CNOT10: variants seen among roughly 807,000 people sequenced by gnomAD.
CNOT10 encodes the protein CCR4-NOT transcription complex subunit 10.
In CNOT10, 30 loss-of-function variants were observed where a neutral mutation model predicts 94.6. That is an observed-to-expected ratio of 0.32 (90% CI 0.24 to 0.43). CNOT10 has a LOEUF of 0.43. Among genes scored for constraint, CNOT10 ranks in the 20% least tolerant of loss-of-function variants. CNOT10 has a pLI of 1.00. For synonymous variants in CNOT10, 289 were observed against 301.6 expected (o/e 0.96, Z 0.43); for missense variants, 759 against 877.2 (o/e 0.87, Z 1.70).
At chr3:32,724,548 G>A (rs1170809066) in intron 8 of CNOT10, among the ~76,000 whole-genome samples, 2 of 152,018 alleles carry the variant, frequency 1.3e-5, no homozygotes, top group Non-Finnish European at 2.9e-5. Context: ...GAGTAGCTGG[G>A]ACTACACGCG....
chr3:32,720,057 A>G, intron 7 of CNOT10, 57 bp from the exon 8 acceptor site: 1 of 813,690 alleles, frequency 1.2e-6, no homozygotes. Context: ...TATAATTAAG[A>G]TCTTACATTA....
chr3:32,713,213 T>C lies in CNOT10; in HGVS notation c.431-14T>C. 1 of 1,560,786 alleles carries C rather than the reference T, an allele frequency of 6.4e-7. No homozygotes were observed. On this transcript the variant is annotated splice_polypyrimidine_tract_variant and intron_variant, in intron 4 of 18. Transcript: ENST00000328834. The stretch of plus-strand genomic sequence containing the variant: ...AGGTTGTGACTATTCTTTTCTGTGT[T>C]TTTTTTCTCCCAGAAGAAAAATTTG...
At chr3:32,718,107 T>C (rs1411484567) in intron 7 of CNOT10, among the ~76,000 whole-genome samples, 35 of 151,946 alleles carry the variant, frequency 2.3e-4, no homozygotes, top group Admixed American at 2.3e-3. Flanking sequence ...TTTAGAAGTA[T>C]AAAGTCATGA....
intron 10 of CNOT10, among the ~76,000 whole-genome samples, chr3:32,732,391 C>G (rs901741020): frequency 1.3e-5 from 2 of 151,700 alleles, no homozygotes; most frequent in African/African-American, 4.8e-5. Context: ...GCCTCAGCAA[C>G]TTGGCAAAAC....
chr3:32,748,123 ATCGAAATTACAGGTGTGAGCCAC>A (rs1699788866), intron 13 of CNOT10, among the ~76,000 whole-genome samples: 1 of 152,214 alleles, frequency 6.6e-6, no homozygotes, highest in Non-Finnish European at 1.5e-5. Flanking sequence ...CCCCCAAAGC[ATCGAAATTACAGGTGTGAGCCAC>A]TGCAGTTGGC....
In CNOT10 at chr3:32,703,877, C is replaced by A. The variant is rs148956635; in HGVS notation, c.32C>A (p.Ala11Glu). MAADKPADQG[A>E]EKHEGTGQSS... ...ATTTGTGTGTTTGCAGATCAGGGAGCAGAGAAACATGAAGGCACAGGTCAG... is the reference window on the plus strand; with the variant it reads ...ATTTGTGTGTTTGCAGATCAGGGAGAAGAGAAACATGAAGGCACAGGTCAG... The change falls in exon 2 of 19, where the codon GCA (alanine) becomes GAA (glutamate). Residue 11 changes from alanine (A) to glutamate (E), a missense_variant. Coordinates refer to ENST00000328834, the MANE Select transcript of CNOT10 (RefSeq NM_015442.3). 1 of 1,611,950 alleles carries A rather than the reference C, an allele frequency of 6.2e-7. No individual in the cohort carries two copies. Among genetic ancestry groups the A allele is most frequent in the South Asian group, 1.1e-5 (1 of 90,988 alleles).
intron 13 of CNOT10, among the ~76,000 whole-genome samples, chr3:32,742,491 C>CA (rs113404433): frequency 0.039 from 5,982 of 152,268 alleles, 186 homozygotes; most frequent in African/African-American, 0.079. Flanking sequence ...AAGCGACTCT[C>CA]ATGCCTCAGC....
chr3:32,687,755 C>T (rs1277850615), intron 1 of CNOT10: 5 of 152,182 alleles, frequency 3.3e-5, no homozygotes, highest in Non-Finnish European at 1.5e-5. Context: ...GCCCTGCCGT[C>T]CTCACTCTAA....
intron 1 of CNOT10, among the ~76,000 whole-genome samples, chr3:32,697,041 TC>T (rs1697106721): frequency 6.6e-6 from 1 of 151,216 alleles, no homozygotes; most frequent in Non-Finnish European, 1.5e-5. Context: ...GCCTCTGCCT[TC>T]CGGGTTCCAG....
chr3:32,689,107 C>T (rs936964797), intron 1 of CNOT10, among the ~76,000 whole-genome samples: 1 of 152,014 alleles, frequency 6.6e-6, no homozygotes, highest in Non-Finnish European at 1.5e-5. Flanking sequence ...AATCCCAGGA[C>T]TTTGGGAGGC....
intron 13 of CNOT10, among the ~76,000 whole-genome samples, chr3:32,758,439 C>T (rs568556629): frequency 2.0e-5 from 3 of 152,308 alleles, no homozygotes; most frequent in South Asian, 2.1e-4. Flanking sequence ...ATTTGCCCAG[C>T]TGTGCTTTTT....
chr3:32,770,136 A>G (rs532364783), intron 18 of CNOT10, among the ~76,000 whole-genome samples, 174 bp downstream of exon 18: 1 of 151,776 alleles, frequency 6.6e-6, no homozygotes, highest in Admixed American at 6.6e-5. Context: ...CCTTCCAGGT[A>G]GCTGGGACTA....
chr3:32,713,540 G>A (rs1349608652), intron 5 of CNOT10, among the ~76,000 whole-genome samples, 171 bp downstream of exon 5: 3 of 152,162 alleles, frequency 2.0e-5, no homozygotes, highest in Non-Finnish European at 4.4e-5. Flanking sequence ...CCATTTTAAA[G>A]TGTAGAGTTT....
chr3:32,758,006 T>C (rs1204623043), intron 13 of CNOT10, among the ~76,000 whole-genome samples: 3 of 152,248 alleles, frequency 2.0e-5, no homozygotes, highest in African/African-American at 7.2e-5. Flanking sequence ...TGTGTATGCC[T>C]AGAACTTAGA....
rs371473212 is a variant in CNOT10 at position 32,695,970 on chromosome 3, T to A, written c.23-7898T>A. On this transcript the variant is annotated intron_variant, in intron 1 of 18. Transcript: ENST00000328834. ...ATAAAAATAATCCTGTTGAAGAGAGTGTGTGTGTGTGTGTGTGTGTGTGTG... is the reference window on the plus strand; with the variant it reads ...ATAAAAATAATCCTGTTGAAGAGAGAGTGTGTGTGTGTGTGTGTGTGTGTG... 7.7e-3 allele frequency: 416 copies of A among 54,092 alleles called. 1 individual carries two copies. The highest frequency in any genetic ancestry group is 0.015 in the East Asian group (65 of 4,210). 3.4% of individuals were successfully genotyped at this position (54,092 alleles called of 1,614,324 possible). A position where few individuals can be genotyped will look rare whatever the true frequency, so the allele number is the denominator to read the frequency against.
At chr3:32,754,476 CAA>C (rs1553637886) in intron 13 of CNOT10, among the ~76,000 whole-genome samples, 2,117 of 36,256 alleles carry the variant, frequency 0.058, 81 homozygotes, top group Admixed American at 0.094. Flanking sequence ...GACTCCGTCT[CAA>C]AAAAAAAAAA....
intron 3 of CNOT10, among the ~76,000 whole-genome samples, chr3:32,705,659 A>C (rs1697587423): frequency 1.3e-5 from 2 of 152,210 alleles, no homozygotes; most frequent in African/African-American, 2.4e-5. Context: ...CAAAAACACA[A>C]AGTTTTTGAG....
chr3:32,696,082 G>A (rs1001661670), intron 1 of CNOT10, among the ~76,000 whole-genome samples: 4 of 151,484 alleles, frequency 2.6e-5, no homozygotes, highest in African/African-American at 9.7e-5. Flanking sequence ...TTGGGAGGCC[G>A]AGGCAGGCGG....
At chr3:32,742,655 C>T (rs7641784) in intron 13 of CNOT10, among the ~76,000 whole-genome samples, 150,218 of 152,324 alleles carry the variant, frequency 0.99, 74,110 homozygotes, top group East Asian at 1. Context: ...GTGCTGAGAT[C>T]ATAGGCGTGA....
Sources: gnomAD v4.1 joint callset for allele counts (sites outside exome capture counted in the v4.1 genomes callset) on GRCh38, gnomAD v4.1.1 for gene constraint, MANE v1.5 for transcripts, NCBI Gene and HGNC (gene_info 2026-07-23, HGNC 2026-07-21) for gene names.